The following CADM2 variants were observed in gnomAD, a reference collection of about 807,000 sequenced individuals.
The protein encoded by CADM2 is cell adhesion molecule 2, also known as immunoglobulin superfamily member 4D.
A neutral mutation model predicts 49.8 loss-of-function variants in CADM2; 12 were observed. The observed-to-expected ratio is 0.24, with a 90% CI of 0.15 to 0.39. The LOEUF is 0.39. Ranked by LOEUF, CADM2 falls within the 10% of genes least tolerant of loss-of-function variation. The pLI, the probability that CADM2 is intolerant of heterozygous loss-of-function variation, is 1.00. For missense variants in CADM2, 378 were observed against 492.3 expected (o/e 0.77, Z 2.20); for synonymous variants, 214 against 175.4 (o/e 1.22, Z -1.74).
At chr3:85,192,624 T>G (rs1324359101) in intron 1 of CADM2, among the ~76,000 whole-genome samples, 1 of 150,376 alleles carries the variant, frequency 6.6e-6, no homozygotes, top group Admixed American at 6.6e-5. Context: ...ATATAAAGTT[T>G]AAAAATAGTA....
chr3:85,303,259 A>G (rs2044141843), intron 1 of CADM2, among the ~76,000 whole-genome samples: 1 of 151,968 alleles, frequency 6.6e-6, no homozygotes, highest in Admixed American at 6.6e-5. Context: ...CAAGGATAAC[A>G]TTTTATTTTT....
chr3:85,099,497 T>C (rs980874125), intron 1 of CADM2, among the ~76,000 whole-genome samples: 5 of 149,000 alleles, frequency 3.4e-5, no homozygotes, highest in Non-Finnish European at 7.4e-5. Context: ...TGAGACACAG[T>C]CTCACTCTGT....
At chr3:85,656,343 G>A (rs4597723) in intron 1 of CADM2, among the ~76,000 whole-genome samples, 58,285 of 151,904 alleles carry the variant, frequency 0.38, 12,282 homozygotes, top group East Asian at 0.54. Context: ...AAAGCCGGGC[G>A]CAGTGGCTCA....
At chr3:85,053,346 T>C (rs999244439) in intron 1 of CADM2, among the ~76,000 whole-genome samples, 1 of 151,928 alleles carries the variant, frequency 6.6e-6, no homozygotes, top group African/African-American at 2.4e-5. Flanking sequence ...ATCCCTGCAG[T>C]TGGGGACTGT....
intron 1 of CADM2, among the ~76,000 whole-genome samples, chr3:85,016,190 A>C (rs2034240326): frequency 1.3e-5 from 2 of 152,194 alleles, no homozygotes; most frequent in Admixed American, 6.5e-5. Context: ...CTACACTTCA[A>C]GTGTAGTATA....
At chr3:85,094,465 C>CAGAA (rs2037719450) in intron 1 of CADM2, among the ~76,000 whole-genome samples, 1 of 151,916 alleles carries the variant, frequency 6.6e-6, no homozygotes, top group Non-Finnish European at 1.5e-5. Flanking sequence ...ATGTATAAAG[C>CAGAA]AGAAGTAAGA....
intron 1 of CADM2, among the ~76,000 whole-genome samples, chr3:85,391,302 T>C (rs1003734050): frequency 6.6e-6 from 1 of 152,014 alleles, no homozygotes; most frequent in Non-Finnish European, 1.5e-5. Flanking sequence ...CACAGAAGTA[T>C]AGTTTTGTGA....
intron 3 of CADM2, among the ~76,000 whole-genome samples, chr3:85,803,076 C>A (rs1211107779): frequency 2.6e-5 from 4 of 152,064 alleles, no homozygotes; most frequent in Non-Finnish European, 4.4e-5. Context: ...TAAAATATCA[C>A]ATACAGTCTA....
chr3:85,732,147 G>C (rs2067959322), intron 2 of CADM2, among the ~76,000 whole-genome samples: 2 of 148,114 alleles, frequency 1.4e-5, no homozygotes, highest in Non-Finnish European at 3.0e-5. Context: ...TGTAATCCCA[G>C]CTACTTCAGA....
intron 1 of CADM2, among the ~76,000 whole-genome samples, chr3:85,294,432 A>G (rs554413950): frequency 0.061 from 9,191 of 150,792 alleles, 918 homozygotes; most frequent in African/African-American, 0.21. Flanking sequence ...AGAATTGGAA[A>G]AAACTACTTT....
intron 3 of CADM2, among the ~76,000 whole-genome samples, chr3:85,857,601 C>T (rs1299974341): frequency 6.6e-6 from 1 of 152,106 alleles, no homozygotes; most frequent in Non-Finnish European, 1.5e-5. Context: ...CCTCAGCCTC[C>T]CAAAGTGTTG....
intron 1 of CADM2, among the ~76,000 whole-genome samples, chr3:85,456,754 A>T (rs2038009650): frequency 6.6e-6 from 1 of 152,024 alleles, no homozygotes; most frequent in Admixed American, 6.6e-5. Flanking sequence ...GACAGGACAA[A>T]GTTGATGCAT....
chr3:85,140,746 A>G (rs1263636396), intron 1 of CADM2, among the ~76,000 whole-genome samples: 7 of 152,222 alleles, frequency 4.6e-5, no homozygotes, highest in Admixed American at 4.6e-4. Context: ...AGGTCCAGAC[A>G]GTTTCTCTGG....
At chr3:85,864,566 C>A (rs1004392004) in intron 3 of CADM2, among the ~76,000 whole-genome samples, 2 of 152,114 alleles carry the variant, frequency 1.3e-5, no homozygotes, top group Non-Finnish European at 2.9e-5. Context: ...CTATTTGTAA[C>A]ATATCTTTGT....
intron 1 of CADM2, among the ~76,000 whole-genome samples, chr3:85,594,780 C>CA (rs2063197770): frequency 6.6e-6 from 1 of 151,984 alleles, no homozygotes; most frequent in African/African-American, 2.4e-5. Flanking sequence ...AATGCTATGA[C>CA]AAAGAGCCTA....
rs575170244 is a variant in CADM2, at chr3:85,809,763, CCTCTCT to C, written c.238+7592_238+7597del. On this transcript the variant is annotated intron_variant, in intron 3 of 9. Coordinates refer to ENST00000383699, the MANE Select transcript of CADM2 (RefSeq NM_001167675.2). ...TCCCTCCTCTCTCCCTCCCTCCCTC[CCTCTCT>C]CTCTCTCTCTCTCTCTCTCTCTCTT... Among the ~76,000 whole-genome samples, 190 of 51,926 alleles carry C rather than the reference CCTCTCT, an allele frequency of 3.7e-3. 5 individuals carry two copies. The highest frequency in any genetic ancestry group is 0.02 in the African/African-American group (111 of 5,654). 34.1% of individuals were successfully genotyped at this position (51,926 alleles called of 152,430 possible).
chr3:85,643,105 A>G (rs369031108), intron 1 of CADM2, among the ~76,000 whole-genome samples: 319 of 152,228 alleles, frequency 2.1e-3, no homozygotes, highest in African/African-American at 7.3e-3. Context: ...TCATAGTTCA[A>G]TTTCTTGGCA....
chr3:85,372,811 G>A (rs979371089), intron 1 of CADM2, among the ~76,000 whole-genome samples: 3 of 152,074 alleles, frequency 2.0e-5, no homozygotes, highest in Non-Finnish European at 2.9e-5. Context: ...ACGGTGGAAG[G>A]GAAGACTGCG....
chr3:85,742,401 C>G (rs2068432404), intron 2 of CADM2, among the ~76,000 whole-genome samples: 1 of 152,196 alleles, frequency 6.6e-6, no homozygotes, highest in Non-Finnish European at 1.5e-5. Flanking sequence ...AGGTCACTCA[C>G]TGTCATGATC....
Sources: allele counts gnomAD v4.1 joint callset (sites outside exome capture counted in the v4.1 genomes callset), GRCh38; gene constraint gnomAD v4.1.1; transcripts MANE v1.5; gene names NCBI Gene and HGNC (gene_info 2026-07-23, HGNC 2026-07-21).